The following TENM3 variants were observed in gnomAD, a reference collection of about 807,000 sequenced individuals.
TENM3 encodes teneurin transmembrane protein 3, also known as teneurin-3.
In TENM3, 63 loss-of-function variants were observed where a neutral mutation model predicts 255.1. The ratio of observed to expected loss-of-function variants is 0.25; its 90% confidence interval spans 0.20 to 0.30. The LOEUF (loss-of-function observed/expected upper bound fraction) is 0.30, where lower values mean the gene tolerates loss of function less well. Ranked by LOEUF, TENM3 falls within the 10% of genes least tolerant of loss-of-function variation. The probability of loss-of-function intolerance (pLI) is 1.00; values close to 1 mark genes in which losing one functional copy is unlikely to be tolerated. For missense variants in TENM3, 2,929 were observed against 3,461.1 expected (o/e 0.85, Z 3.86); for synonymous variants, 1,306 against 1,322.3 (o/e 0.99, Z 0.27).
chr4:182,799,460 T>TC lies in TENM3; in HGVS notation c.7345-135dup. ...TCGAGTGCTCCCTCCACCCGGGCTGTCAGCCTTCTGGTCAGGGAAGGACCC... is the reference window on the plus strand; with the variant it reads ...TCGAGTGCTCCCTCCACCCGGGCTGTCCAGCCTTCTGGTCAGGGAAGGACCC... On this transcript the variant is annotated intron_variant, in intron 27 of 27. Transcript: ENST00000511685. This position sits in a 1 kb window ranked among gnomAD's most constrained non-coding sequence, Gnocchi z 4.2. The TC allele has an allele frequency of 5.2e-6, 6 of 1,160,408 alleles. No individual in the cohort carries two copies. In the South Asian group the frequency reaches 8.3e-5, roughly 16 times the overall value. The allele number at this position is 1,160,408 out of a possible 1,614,324, so 71.9% of individuals were successfully genotyped here.
the TENM3 span, among the ~76,000 whole-genome samples, chr4:181,565,414 A>C: frequency 1.3e-5 from 2 of 152,256 alleles, no homozygotes; most frequent in Non-Finnish European, 2.9e-5. Flanking sequence ...GCCAGATACT[A>C]TGCTTAGTCT....
the TENM3 span, among the ~76,000 whole-genome samples, chr4:181,702,779 A>G: frequency 5.9e-5 from 9 of 152,202 alleles, no homozygotes; most frequent in Admixed American, 5.2e-4. Context: ...TCAGATTTCA[A>G]CATGTGTTCA....
At chr4:181,462,506 A>T in the TENM3 span, among the ~76,000 whole-genome samples, 1 of 152,128 alleles carries the variant, frequency 6.6e-6, no homozygotes, top group Non-Finnish European at 1.5e-5. Flanking sequence ...CTTTTCTCTC[A>T]AGGATCAGAA....
At chr4:181,601,072 G>A in the TENM3 span, among the ~76,000 whole-genome samples, 13 of 152,262 alleles carry the variant, frequency 8.5e-5, no homozygotes, top group African/African-American at 2.6e-4. Context: ...TGATCTAAGA[G>A]CAATACTACC....
the TENM3 span, among the ~76,000 whole-genome samples, chr4:181,448,163 T>C: frequency 2.1e-5 from 1 of 48,626 alleles, no homozygotes; most frequent in African/African-American, 6.5e-5. Flanking sequence ...AATTTTTTTT[T>C]TTTTTTTTTT....
At chr4:182,365,706 A>C (rs1049825709) in intron 3 of TENM3, among the ~76,000 whole-genome samples, 2 of 152,220 alleles carry the variant, frequency 1.3e-5, no homozygotes, top group Non-Finnish European at 2.9e-5. Flanking sequence ...CAAAAGATGC[A>C]GGAGATACAT....
At chr4:181,927,630 C>G in the TENM3 span, among the ~76,000 whole-genome samples, 2 of 152,210 alleles carry the variant, frequency 1.3e-5, no homozygotes, top group Admixed American at 1.3e-4. Flanking sequence ...CCTGCCTGCT[C>G]CGAAGAGAGC....
intron 2 of TENM3, among the ~76,000 whole-genome samples, chr4:182,325,420 T>C (rs2150512070): frequency 6.6e-6 from 1 of 152,340 alleles, no homozygotes; most frequent in East Asian, 1.9e-4. Flanking sequence ...TAAGGAGAGA[T>C]TTTTATACCC....
intron 1 of TENM3, among the ~76,000 whole-genome samples, chr4:182,223,750 C>T (rs1579792413): frequency 9.4e-6 from 1 of 106,730 alleles, no homozygotes; most frequent in East Asian, 2.6e-4. Flanking sequence ...TGAATATAAT[C>T]ATAGAACACT....
chr4:182,514,263 G>C (rs1023344028), intron 3 of TENM3, among the ~76,000 whole-genome samples: 1 of 152,206 alleles, frequency 6.6e-6, no homozygotes, highest in Non-Finnish European at 1.5e-5. Flanking sequence ...AGATGTGTAG[G>C]AGTGAGAATT....
chr4:182,105,532 G>A, the TENM3 span, among the ~76,000 whole-genome samples: 7 of 152,104 alleles, frequency 4.6e-5, no homozygotes, highest in African/African-American at 7.2e-5. Flanking sequence ...GGTTTATTGC[G>A]GGGAAAGGAT....
chr4:182,658,419 T>C (rs1319822022), intron 6 of TENM3, among the ~76,000 whole-genome samples: 1 of 152,194 alleles, frequency 6.6e-6, no homozygotes, highest in African/African-American at 2.4e-5. Flanking sequence ...ACATTCTCTG[T>C]GCTTCCTAAC....
intron 3 of TENM3, among the ~76,000 whole-genome samples, chr4:182,535,279 A>G (rs1740188684): frequency 6.6e-6 from 1 of 152,208 alleles, no homozygotes; most frequent in South Asian, 2.1e-4. Context: ...CCTCACGTAC[A>G]TATTTTGGTC....
intron 4 of TENM3, among the ~76,000 whole-genome samples, chr4:182,621,749 AT>A (rs796449580): frequency 4.6e-4 from 9 of 19,408 alleles, no homozygotes; most frequent in Non-Finnish European, 9.5e-4. Flanking sequence ...TATATAATAT[AT>A]TATAATATAT....
chr4:181,680,563 T>C, the TENM3 span, among the ~76,000 whole-genome samples: 1 of 152,176 alleles, frequency 6.6e-6, no homozygotes, highest in Non-Finnish European at 1.5e-5. Flanking sequence ...GCTTCTATCT[T>C]TGATATGTTT....
rs114426303 is a variant in TENM3 at position 182,423,497 on chromosome 4, C to G, written c.511+76568C>G. On this transcript the variant is annotated intron_variant, in intron 3 of 27. Transcript: ENST00000511685. ...AGTGTTCTGAAAAATTGTGCTCACT[C>G]CTGAGACTTTAAAAATGGAGTCAAC... Among the ~76,000 whole-genome samples, 539 of 152,114 alleles carry G rather than the reference C, an allele frequency of 3.5e-3. 4 individuals are homozygous for G. The highest frequency in any genetic ancestry group is 0.013 in the African/African-American group (520 of 41,494).
the TENM3 span, among the ~76,000 whole-genome samples, chr4:182,137,782 G>T: frequency 6.6e-6 from 1 of 152,130 alleles, no homozygotes; most frequent in Non-Finnish European, 1.5e-5. Flanking sequence ...TCTTTTTCAA[G>T]GCAATTTAAA....
intron 6 of TENM3, among the ~76,000 whole-genome samples, chr4:182,658,913 A>G (rs1753981664): frequency 6.6e-6 from 1 of 152,192 alleles, no homozygotes; most frequent in South Asian, 2.1e-4. Context: ...CTTAGAACAT[A>G]GCAGCTGGTT....
At position 182,571,565 on chromosome 4, in the gene TENM3, T is replaced by C. The variant is rs140239441; in HGVS notation, c.512-29359T>C. Reference sequence around the variant, plus strand: ...TGCCCCCACAACACACACGCACAAATTATACCTTGTTTTCTTTGTATTTTC... The same window carrying C: ...TGCCCCCACAACACACACGCACAAACTATACCTTGTTTTCTTTGTATTTTC... On this transcript the variant is annotated intron_variant, in intron 3 of 27. Coordinates refer to ENST00000511685, the MANE Select transcript of TENM3 (RefSeq NM_001080477.4). Among the ~76,000 whole-genome samples, 1,210 of 152,288 alleles carry C rather than the reference T, an allele frequency of 7.9e-3. 17 individuals are homozygous for C. Among genetic ancestry groups the C allele is most frequent in the Non-Finnish European group, 9.7e-3 (661 of 68,020 alleles).
Sources: allele counts gnomAD v4.1 joint callset (sites outside exome capture counted in the v4.1 genomes callset), GRCh38; gene constraint gnomAD v4.1.1; non-coding constraint Gnocchi (gnomAD v3.1); transcripts MANE v1.5; gene names NCBI Gene and HGNC (gene_info 2026-07-23, HGNC 2026-07-21).